Variants in SPECC1 observed in about 807,000 individuals in gnomAD.
SPECC1 encodes the protein sperm antigen with calponin homology and coiled-coil domains 1.
SPECC1 carries 62 observed loss-of-function variants against 104.1 expected under a neutral mutation model. That is an observed-to-expected ratio of 0.60 (90% CI 0.49 to 0.74). SPECC1 has a LOEUF of 0.74. Among genes scored for constraint, SPECC1 ranks in the 30% least tolerant of loss-of-function variants. The probability of loss-of-function intolerance (pLI) is 0.00; values close to 1 mark genes in which losing one functional copy is unlikely to be tolerated. For missense variants in SPECC1, 1,306 were observed against 1,310.5 expected (o/e 1.00, Z 0.05); for synonymous variants, 513 against 501.6 (o/e 1.02, Z -0.30).
At chr17:20,288,943 C>G (rs2041060108) in intron 12 of SPECC1, among the ~76,000 whole-genome samples, 1 of 151,898 alleles carries the variant, frequency 6.6e-6, no homozygotes, top group African/African-American at 2.4e-5. Context: ...TGCCACCGTG[C>G]CCGGCTAATT....
intron 1 of SPECC1, among the ~76,000 whole-genome samples, chr17:20,040,972 G>A (rs2045300554): frequency 6.6e-6 from 1 of 151,966 alleles, no homozygotes; most frequent in African/African-American, 2.4e-5. Flanking sequence ...TAGTCTCAGA[G>A]GTCTTTGAGA....
At position 20,110,432 on chromosome 17, in the gene SPECC1, G is replaced by A. The variant is rs374663900; in HGVS notation, c.153G>A (p.Lys51=). The A allele has an allele frequency of 6.8e-6, 11 of 1,610,540 alleles. No individual in the cohort carries two copies. In the African/African-American group the frequency reaches 1.2e-4, roughly 18 times the overall value. ...LAFESRLSRL[K]RASSEDTLNK... is the part of the protein sequence containing the mutation. ...TTTCCTTCCAACTCTCTCAGCTCAA[G>A]AGGGCCAGCAGTGAGGACACGCTCA... The change falls in exon 3 of 15, where the codon AAG becomes AAA. Residue 51 remains lysine (K), a synonymous_variant. Coordinates refer to ENST00000395527, the MANE Select transcript of SPECC1 (RefSeq NM_001243439.2).
chr17:20,219,226 G>A (rs1488032269), intron 4 of SPECC1, among the ~76,000 whole-genome samples: 2 of 152,084 alleles, frequency 1.3e-5, no homozygotes, highest in African/African-American at 4.8e-5. Flanking sequence ...AGGGACTTCT[G>A]TACTGTTTTC....
chr17:20,156,035 T>C, intron 3 of SPECC1: 1 of 1,277,070 alleles, frequency 7.8e-7, no homozygotes, highest in Non-Finnish European at 9.9e-7. Flanking sequence ...GAGCAGCGGC[T>C]CCGCCGGCAG....
At chr17:20,228,143 G>A (rs1485798423) in intron 5 of SPECC1, among the ~76,000 whole-genome samples, 1 of 152,122 alleles carries the variant, frequency 6.6e-6, no homozygotes, top group Non-Finnish European at 1.5e-5. Flanking sequence ...AGAAGAACAG[G>A]CTGTTGAACA....
intron 1 of SPECC1, among the ~76,000 whole-genome samples, chr17:20,016,019 G>C (rs1013831753): frequency 2.7e-4 from 41 of 150,422 alleles, no homozygotes; most frequent in African/African-American, 9.5e-4. Context: ...AGACCATCTG[G>C]CTAACATGGT....
chr17:20,143,670 A>G (rs2031115819), intron 3 of SPECC1, among the ~76,000 whole-genome samples: 1 of 151,532 alleles, frequency 6.6e-6, no homozygotes. Context: ...CTCTGTCTCA[A>G]AAAAAAAACA....
intron 3 of SPECC1, among the ~76,000 whole-genome samples, chr17:20,177,316 A>G (rs1036190931): frequency 2.0e-5 from 3 of 152,240 alleles, no homozygotes; most frequent in Non-Finnish European, 2.9e-5. Context: ...TATCCTGTAA[A>G]GAGAGGGGAG....
At chr17:20,265,668 A>G (rs763759837) in intron 12 of SPECC1, among the ~76,000 whole-genome samples, 9 of 152,196 alleles carry the variant, frequency 5.9e-5, no homozygotes, top group Non-Finnish European at 8.8e-5. Flanking sequence ...TTCTTTGCTA[A>G]GGCCAATGTT....
chr17:20,180,896 A>G (rs1186823075), intron 3 of SPECC1, among the ~76,000 whole-genome samples: 1 of 152,206 alleles, frequency 6.6e-6, no homozygotes, highest in East Asian at 1.9e-4. Context: ...GAGTATTTAC[A>G]GAAGTTGATC....
chr17:20,136,633 C>T (rs1317100067), intron 3 of SPECC1, among the ~76,000 whole-genome samples: 2 of 152,194 alleles, frequency 1.3e-5, no homozygotes, highest in Admixed American at 6.5e-5. Flanking sequence ...CTTTCTAGAA[C>T]TATTCAGTGT....
chr17:20,254,420 G>A (rs997815922), intron 10 of SPECC1, among the ~76,000 whole-genome samples: 4 of 152,024 alleles, frequency 2.6e-5, no homozygotes, highest in South Asian at 2.1e-4. Flanking sequence ...GAAATAATCC[G>A]GTCCACTTCC....
chr17:20,146,333 T>C (rs1025145693), intron 3 of SPECC1, among the ~76,000 whole-genome samples: 1 of 152,248 alleles, frequency 6.6e-6, no homozygotes, highest in Non-Finnish European at 1.5e-5. Flanking sequence ...CAGACCGGCT[T>C]CTTTCACTTA....
intron 3 of SPECC1, among the ~76,000 whole-genome samples, chr17:20,119,468 G>T (rs1288856468): frequency 6.6e-6 from 1 of 152,212 alleles, no homozygotes; most frequent in African/African-American, 2.4e-5. Flanking sequence ...CCAACCTCAG[G>T]TGATCCACCT....
intron 14 of SPECC1, among the ~76,000 whole-genome samples, chr17:20,308,107 G>T (rs1358852844): frequency 6.6e-6 from 1 of 152,114 alleles, no homozygotes; most frequent in East Asian, 1.9e-4. Context: ...AACAATTCCA[G>T]CTGGGTGCAG....
At chr17:20,283,187 AAAAC>A (rs2040832279) in intron 12 of SPECC1, among the ~76,000 whole-genome samples, 1 of 152,204 alleles carries the variant, frequency 6.6e-6, no homozygotes, top group South Asian at 2.1e-4. Flanking sequence ...CTATCTTAGA[AAAAC>A]AAACAAACAA....
chr17:20,303,363 CTCCTT>C (rs1413489962), intron 13 of SPECC1, among the ~76,000 whole-genome samples: 1 of 152,212 alleles, frequency 6.6e-6, no homozygotes, highest in Non-Finnish European at 1.5e-5. Context: ...CCCATGCCCG[CTCCTT>C]TCCTTTAATT....
At position 20,197,245 on chromosome 17, in the gene SPECC1, A is replaced by C. The variant is rs149614747; in HGVS notation, c.284-7088A>C. On this transcript the variant is annotated intron_variant, in intron 3 of 14. Coordinates refer to ENST00000395527, the MANE Select transcript of SPECC1 (RefSeq NM_001243439.2). ...TGAATATCTGCTTTTAATTAAACTG[A>C]TTTTAACCATAGCACTCTTTAACAA... Among the ~76,000 whole-genome samples the C allele has an allele frequency of 3.0e-4, 45 of 152,312 alleles. No homozygotes were observed. In the East Asian group the frequency reaches 7.9e-3, roughly 27 times the overall value.
intron 3 of SPECC1, among the ~76,000 whole-genome samples, chr17:20,151,038 C>G (rs1287490274): frequency 6.6e-6 from 1 of 152,026 alleles, no homozygotes; most frequent in African/African-American, 2.4e-5. Context: ...CCTTAAAACG[C>G]TTAGATTATA....
Sources: gnomAD v4.1 joint callset for allele counts (sites outside exome capture counted in the v4.1 genomes callset) on GRCh38, gnomAD v4.1.1 for gene constraint, MANE v1.5 for transcripts, NCBI Gene and HGNC (gene_info 2026-07-23, HGNC 2026-07-21) for gene names.